Variants in PTGFR observed in about 807,000 individuals in gnomAD.
The protein encoded by PTGFR is prostaglandin F2-alpha receptor.
A neutral mutation model predicts 26.2 loss-of-function variants in PTGFR; 15 were observed. The observed-to-expected ratio is 0.57, with a 90% CI of 0.38 to 0.88. The LOEUF is 0.88. Ranked by LOEUF, PTGFR falls within the 40% of genes least tolerant of loss-of-function variation. PTGFR has a pLI of 0.00. For missense variants in PTGFR, 369 were observed against 427.2 expected, an observed-to-expected ratio of 0.86 and a Z score of 1.20; for synonymous variants, 165 against 151.1, an observed-to-expected ratio of 1.09 and a Z score of -0.68.
rs1020675900 is a variant in PTGFR at position 78,538,540 on chromosome 1, A to AG, written c.*1853_*1854insG. 12 of 152,060 alleles carry AG rather than the reference A, an allele frequency of 7.9e-5. No homozygotes were observed. Among genetic ancestry groups the AG allele is most frequent in the African/African-American group, 2.7e-4 (11 of 41,484 alleles). 9.4% of individuals were successfully genotyped at this position (152,060 alleles called of 1,614,324 possible). A position where few individuals can be genotyped will look rare whatever the true frequency, so the allele number is the denominator to read the frequency against. On this transcript the variant is annotated 3_prime_UTR_variant, in exon 3 of 3. Transcript: ENST00000370757. ...AAGTAGACATCAAAAATTAAAAAAA[A>AG]AAAAAGGAATGTGTTTTCATTGTTT...
chr1:78,505,036 C>T (rs1437004436), intron 2 of PTGFR, among the ~76,000 whole-genome samples: 4 of 151,152 alleles, frequency 2.6e-5, no homozygotes, highest in East Asian at 1.9e-4. Context: ...TTATCAAAGT[C>T]GTGTTTTGAA....
At chr1:78,497,943 A>T (rs773470173) in intron 2 of PTGFR, 2 of 1,581,624 alleles carry the variant, frequency 1.3e-6, no homozygotes, top group Admixed American at 1.7e-5. Context: ...TTTCTTACAT[A>T]GGTGAGTTTA....
intron 2 of PTGFR, among the ~76,000 whole-genome samples, chr1:78,494,493 AG>A (rs1649495424): frequency 6.6e-6 from 1 of 152,216 alleles, no homozygotes; most frequent in Non-Finnish European, 1.5e-5. Flanking sequence ...AGTAAGACAA[AG>A]GTAGTGGTTG....
intron 2 of PTGFR, among the ~76,000 whole-genome samples, chr1:78,494,494 G>A (rs1372811161): frequency 3.3e-5 from 5 of 152,236 alleles, no homozygotes. Context: ...GTAAGACAAA[G>A]GTAGTGGTTG....
rs757811326 is a variant in PTGFR at position 78,536,688 on chromosome 1, C to A, written c.*1C>A. 1.7e-5 allele frequency: 28 copies of A among 1,608,224 alleles called. No individual in the cohort carries two copies. In the South Asian group the frequency reaches 2.3e-4, roughly 13 times the overall value. On this transcript the variant is annotated 3_prime_UTR_variant, in exon 3 of 3. Coordinates refer to ENST00000370757, the MANE Select transcript of PTGFR (RefSeq NM_000959.4). ...TGCAGAGAAATCAGCAAGCACCTAG[C>A]TTAATAGGACAGTAAATCTGTGTGG...
intron 1 of PTGFR, among the ~76,000 whole-genome samples, chr1:78,492,235 G>T (rs1649419725): frequency 6.6e-6 from 1 of 152,182 alleles, no homozygotes; most frequent in Admixed American, 6.5e-5. Flanking sequence ...TTTAACTGAG[G>T]AATAATCTGC....
intron 2 of PTGFR, among the ~76,000 whole-genome samples, chr1:78,507,712 C>T (rs182314825): frequency 4.5e-4 from 69 of 152,222 alleles, no homozygotes; most frequent in African/African-American, 1.6e-3. Context: ...GGCTTTGTTA[C>T]TGCTGCAATT....
chr1:78,491,580 G>C (rs1433211403), intron 1 of PTGFR, among the ~76,000 whole-genome samples: 1 of 152,262 alleles, frequency 6.6e-6, no homozygotes, highest in African/African-American at 2.4e-5. Context: ...GGATGAGGGA[G>C]AAAACAGCCC....
At chr1:78,532,416 ATGTG>A (rs1288776087) in intron 2 of PTGFR, 14 of 117,946 alleles carry the variant, frequency 1.2e-4, no homozygotes, top group African/African-American at 4.4e-4. Context: ...GTGTATATAT[ATGTG>A]TGTATATATG....
rs1476041397 is a variant in PTGFR at position 78,537,752 on chromosome 1, C to A, written c.*1065C>A. 3 of 152,060 alleles carry A rather than the reference C, an allele frequency of 2.0e-5. No homozygotes were observed. The highest frequency in any genetic ancestry group is 4.8e-5 in the African/African-American group (2 of 41,418). The allele number at this position is 152,060 out of a possible 1,614,324, so 9.4% of individuals were successfully genotyped here. ...TGGCATATTCTAAAGCCTGTGCTAC[C>A]AGTACTAAGAGGGGAAGACTGGCAA... On this transcript the variant is annotated 3_prime_UTR_variant, in exon 3 of 3. Coordinates refer to ENST00000370757, the MANE Select transcript of PTGFR (RefSeq NM_000959.4).
At chr1:78,529,984 C>T (rs564849030) in intron 2 of PTGFR, among the ~76,000 whole-genome samples, 2 of 152,266 alleles carry the variant, frequency 1.3e-5, no homozygotes, top group South Asian at 4.1e-4. Context: ...ACCATCTCCA[C>T]TGCCAAGGAA....
intron 2 of PTGFR, among the ~76,000 whole-genome samples, chr1:78,500,246 G>A (rs933036833): frequency 4.6e-5 from 7 of 152,142 alleles, no homozygotes; most frequent in South Asian, 2.1e-4. Context: ...TTAAATGAAT[G>A]TATATGCTTT....
intron 2 of PTGFR, among the ~76,000 whole-genome samples, chr1:78,496,769 G>T (rs939869357): frequency 6.6e-6 from 1 of 152,054 alleles, no homozygotes; most frequent in Non-Finnish European, 1.5e-5. Context: ...AAGGTAAAAT[G>T]ATCATAATGT....
Position 78,539,009 on chromosome 1 carries a change from A to G in PTGFR, c.*2322A>G, listed in dbSNP as rs1219106587. ...ACAGGTGTTAGTGAATTTTTCTAAAAAGATGAGACAAAAGCAAAAATATCA... is the reference window on the plus strand; with the variant it reads ...ACAGGTGTTAGTGAATTTTTCTAAAGAGATGAGACAAAAGCAAAAATATCA... On this transcript the variant is annotated 3_prime_UTR_variant, in exon 3 of 3. Coordinates refer to ENST00000370757, the MANE Select transcript of PTGFR (RefSeq NM_000959.4). 6.6e-6 allele frequency: 1 copy of G among 152,106 alleles called. No individual in the cohort carries two copies. Among genetic ancestry groups the G allele is most frequent in the Non-Finnish European group, 1.5e-5 (1 of 67,992 alleles). The allele number at this position is 152,106 out of a possible 1,614,324, so 9.4% of individuals were successfully genotyped here.
chr1:78,491,109 G>A lies in PTGFR; in HGVS notation c.-200G>A, dbSNP rs1047073936. ...GACGAGCGGCTGGACCACAGCCGGC[G>A]CCCGATCAGGATCTCCGCGCTGGGA... is the stretch of plus-strand genomic sequence containing the variant. On this transcript the variant is annotated 5_prime_UTR_variant, in exon 1 of 3. Transcript: ENST00000370757. 1 of 152,272 alleles carries A rather than the reference G, an allele frequency of 6.6e-6. No homozygotes were observed. Among genetic ancestry groups the A allele is most frequent in the Non-Finnish European group, 1.5e-5 (1 of 68,078 alleles). 9.4% of individuals were successfully genotyped at this position (152,272 alleles called of 1,614,324 possible).
At chr1:78,532,089 TG>T (rs1650521879) in intron 2 of PTGFR, 1 of 324,446 alleles carries the variant, frequency 3.1e-6, no homozygotes, top group Non-Finnish European at 6.0e-6. Flanking sequence ...GCAGGGAACA[TG>T]GCATGTTTTT....
At chr1:78,532,490 A>G (rs1250773570) in intron 2 of PTGFR, 1 of 136,900 alleles carries the variant, frequency 7.3e-6, no homozygotes, top group East Asian at 2.1e-4. Context: ...GTGTGTATAT[A>G]TGTGTATATA....
At position 78,493,013 on chromosome 1, in the gene PTGFR, T is replaced by G; in HGVS notation, c.270T>G (p.Phe90Leu). 1 of 1,614,240 alleles carries G rather than the reference T, an allele frequency of 6.2e-7. No homozygotes were observed. Among genetic ancestry groups the G allele is most frequent in the South Asian group, 1.1e-5 (1 of 91,088 alleles). Residue 90 changes from phenylalanine (F) to leucine (L), a missense_variant, in exon 2 of 3, where the codon TTT (phenylalanine) becomes TTG (leucine). By Grantham distance (22) the Phe-to-Leu change is conservative. Transcript: ENST00000370757. ...GHLINGAIAV[F>L]VYASDKEWIR... The stretch of plus-strand genomic sequence containing the variant: ...TCATCAATGGAGCCATAGCAGTATT[T>G]GTATATGCTTCTGATAAAGAATGGA...
intron 2 of PTGFR, among the ~76,000 whole-genome samples, chr1:78,531,046 C>T (rs982613076): frequency 1.3e-5 from 2 of 152,142 alleles, no homozygotes; most frequent in African/African-American, 4.8e-5. Context: ...TAAAGAAATT[C>T]CATGATCCCT....
Sources: gnomAD v4.1 joint callset for allele counts (sites outside exome capture counted in the v4.1 genomes callset) on GRCh38, gnomAD v4.1.1 for gene constraint, MANE v1.5 for transcripts, NCBI Gene and HGNC (gene_info 2026-07-23, HGNC 2026-07-21) for gene names.